The following FAM177B variants were observed in gnomAD, a reference collection of about 807,000 sequenced individuals.
FAM177B encodes the protein family with sequence similarity 177 member B, also known as protein FAM177B.
Under a neutral mutation model 16.1 loss-of-function variants are expected in FAM177B, and 16 were observed. That is an observed-to-expected ratio of 0.99 (90% CI 0.67 to 1.51). The LOEUF (loss-of-function observed/expected upper bound fraction) is 1.51. Ranked by LOEUF, FAM177B falls within the 40% of genes most tolerant of loss-of-function variation. The pLI, the probability that FAM177B is intolerant of heterozygous loss-of-function variation, is 0.00. For synonymous variants in FAM177B, 56 were observed against 59.9 expected, an observed-to-expected ratio of 0.93 and a Z score of 0.30; for missense variants, 178 against 183.7, an observed-to-expected ratio of 0.97 and a Z score of 0.18.
chr1:222,747,428 C>A (rs371924929), intron 4 of FAM177B: 1 of 189,682 alleles, frequency 5.3e-6, no homozygotes, highest in African/African-American at 2.3e-5. Flanking sequence ...GTTGACTCTT[C>A]TTCTGAATAA....
At chr1:222,747,873 T>C (rs1431109040) in intron 4 of FAM177B, among the ~76,000 whole-genome samples, 1 of 152,234 alleles carries the variant, frequency 6.6e-6, no homozygotes, top group Non-Finnish European at 1.5e-5. Context: ...CAATATTCAG[T>C]GAGTCATATA....
chr1:222,750,553 C>T lies in FAM177B; in HGVS notation c.*495C>T, dbSNP rs1659006557. ...CCTGGCGTAGTTGGGGATTGTTTTA[C>T]AATAAGTAAACATTGCTAATAACTG... On this transcript the variant is annotated 3_prime_UTR_variant, in exon 6 of 6. Coordinates refer to ENST00000445590, the MANE Select transcript of FAM177B (RefSeq NM_001394345.1). 1.0e-6 allele frequency: 1 copy of T among 983,408 alleles called. No individual in the cohort carries two copies. The allele number at this position is 983,408 out of a possible 1,614,324, so 60.9% of individuals were successfully genotyped here. A position where few individuals can be genotyped will look rare whatever the true frequency, so the allele number is the denominator to read the frequency against.
In FAM177B at chr1:222,750,147, T is replaced by G; in HGVS notation, c.*89T>G. On this transcript the variant is annotated 3_prime_UTR_variant, in exon 6 of 6. Coordinates refer to ENST00000445590, the MANE Select transcript of FAM177B (RefSeq NM_001394345.1). ...TTTCCCTGGATCTGTTCCTTGGCCA[T>G]TGATTACCATGGCAACAACACCAGA... is the stretch of plus-strand genomic sequence containing the variant. The G allele has an allele frequency of 6.5e-7, 1 of 1,540,264 alleles. No homozygotes were observed. Among genetic ancestry groups the G allele is most frequent in the South Asian group, 1.3e-5 (1 of 78,358 alleles).
At chr1:222,744,376 G>A (rs899300923) in intron 2 of FAM177B, among the ~76,000 whole-genome samples, 3 of 151,820 alleles carry the variant, frequency 2.0e-5, no homozygotes, top group African/African-American at 7.3e-5. Flanking sequence ...GGAGGCTGAG[G>A]CAGGAGAATC....
chr1:222,749,619 A>C, intron 5 of FAM177B, 57 bp downstream of exon 5: 1 of 1,042,222 alleles, frequency 9.6e-7, no homozygotes, highest in East Asian at 2.4e-5. Context: ...GGTTGCTCCA[A>C]ATTTAGGCCA....
At chr1:222,745,600 G>A (rs1401059273) in intron 2 of FAM177B, among the ~76,000 whole-genome samples, 1 of 149,884 alleles carries the variant, frequency 6.7e-6, no homozygotes, top group African/African-American at 2.5e-5. Context: ...CTGGGTGACA[G>A]AGAAAGACTC....
In FAM177B at chr1:222,750,102, G is replaced by C. The variant is rs374313812; in HGVS notation, c.*44G>C. 27 of 1,594,786 alleles carry C rather than the reference G, an allele frequency of 1.7e-5. No individual in the cohort carries two copies. Among genetic ancestry groups the C allele is most frequent in the Non-Finnish European group, 2.3e-5 (27 of 1,172,686 alleles). On this transcript the variant is annotated 3_prime_UTR_variant, in exon 6 of 6. Transcript: ENST00000445590. Reference sequence around the variant, plus strand: ...GGTCTGGTGGCAGATCCTAGCTCATGATGGCAGCAAAGACTGCAGTTTCCC... The same window carrying C: ...GGTCTGGTGGCAGATCCTAGCTCATCATGGCAGCAAAGACTGCAGTTTCCC...
chr1:222,737,861 G>GA (rs1353829413), intron 1 of FAM177B, 43 bp from the exon 2 acceptor site: 1 of 152,164 alleles, frequency 6.6e-6, no homozygotes, highest in African/African-American at 2.4e-5. Flanking sequence ...GTGGAGTAAT[G>GA]AAAAGTATGA....
chr1:222,749,455 T>C lies in FAM177B; in HGVS notation c.242-10T>C. 2 of 1,570,144 alleles carry C rather than the reference T, an allele frequency of 1.3e-6. No homozygotes were observed. Among genetic ancestry groups the C allele is most frequent in the Non-Finnish European group, 1.7e-6 (2 of 1,145,402 alleles). Reference sequence around the variant, plus strand: ...ATTCAGTTTACGCAAGTGCTCGTTCTTTCTTTTAGCATGTGAATTCCTTGG... The same window carrying C: ...ATTCAGTTTACGCAAGTGCTCGTTCCTTCTTTTAGCATGTGAATTCCTTGG... On this transcript the variant is annotated splice_polypyrimidine_tract_variant and intron_variant, in intron 4 of 5. Coordinates refer to ENST00000445590, the MANE Select transcript of FAM177B (RefSeq NM_001394345.1).
rs1489686595 is a variant in FAM177B, at chr1:222,750,602, C to A, written c.*544C>A. ...TGTGTTACAAGATCATTATCAAGAT[C>A]TTTAAGAATTAGGTACATCCCTCCA... On this transcript the variant is annotated 3_prime_UTR_variant, in exon 6 of 6. Coordinates refer to ENST00000445590, the MANE Select transcript of FAM177B (RefSeq NM_001394345.1). The A allele has an allele frequency of 1.1e-6, 1 of 916,904 alleles. No homozygotes were observed. The highest frequency in any genetic ancestry group is 1.3e-6 in the Non-Finnish European group (1 of 767,802). 56.8% of individuals were successfully genotyped at this position (916,904 alleles called of 1,614,324 possible).
chr1:222,748,303 G>A (rs541781398), intron 4 of FAM177B, among the ~76,000 whole-genome samples: 6 of 152,176 alleles, frequency 3.9e-5, no homozygotes, highest in Non-Finnish European at 8.8e-5. Flanking sequence ...TTTAGAGGGA[G>A]GGAATTGGAG....
chr1:222,741,264 A>T (rs575229022), intron 2 of FAM177B, among the ~76,000 whole-genome samples: 1 of 151,536 alleles, frequency 6.6e-6, no homozygotes, highest in Non-Finnish European at 1.5e-5. Flanking sequence ...GGTTTTCGCC[A>T]TGTTGGCCAG....
chr1:222,750,240 C>T lies in FAM177B; in HGVS notation c.*182C>T, dbSNP rs1658993701. On this transcript the variant is annotated 3_prime_UTR_variant, in exon 6 of 6. Transcript: ENST00000445590. ...CTTAGTCTCAAGCATCCAGGAATTACAAGCAATAATGAGAGTAATTTTGGA... is the reference window on the plus strand; with the variant it reads ...CTTAGTCTCAAGCATCCAGGAATTATAAGCAATAATGAGAGTAATTTTGGA... The T allele has an allele frequency of 1.4e-6, 2 of 1,405,364 alleles. No individual in the cohort carries two copies. The highest frequency in any genetic ancestry group is 5.1e-5 in the East Asian group (2 of 38,846). 87.1% of individuals were successfully genotyped at this position (1,405,364 alleles called of 1,614,324 possible). A position where few individuals can be genotyped will look rare whatever the true frequency, so the allele number is the denominator to read the frequency against.
rs1432558912 is a variant in FAM177B at position 222,746,693 on chromosome 1, C to G, written c.148C>G (p.Gln50Glu). 2 of 1,612,444 alleles carry G rather than the reference C, an allele frequency of 1.2e-6. No individual in the cohort carries two copies. Among genetic ancestry groups the G allele is most frequent in the East Asian group, 2.2e-5 (1 of 44,800 alleles). ...EEEEEEEKEE[Q>E]STNSTLDPSK... ...GGAGGAGGAAGAGGAAAAGGAGGAG[C>G]AGAGCACAAATTCAACACTTGACCC... Residue 50 changes from glutamine to glutamate, a missense_variant, in exon 3 of 6, where the codon CAG becomes GAG. By Grantham distance (29) the Gln-to-Glu change is conservative. Transcript: ENST00000445590.
At chr1:222,749,668 A>G (rs780782763) in intron 5 of FAM177B, 106 bp downstream of exon 5, 3 of 740,212 alleles carry the variant, frequency 4.1e-6, no homozygotes, top group Non-Finnish European at 6.8e-6. Context: ...CATATGTACT[A>G]TAATTTCACC....
rs1265792261 is a variant in FAM177B, at chr1:222,737,289, CAG to C, written c.-163_-162del. ...GGCAGGACAGGGAGGAAAGGGAAGA[CAG>C]AGACAGGTGGAATATGGAGTGTTCA... On this transcript the variant is annotated 5_prime_UTR_variant, in exon 1 of 6. Coordinates refer to ENST00000445590, the MANE Select transcript of FAM177B (RefSeq NM_001394345.1). The C allele has an allele frequency of 6.6e-6, 1 of 152,428 alleles. No homozygotes were observed. Among genetic ancestry groups the C allele is most frequent in the East Asian group, 1.9e-4 (1 of 5,190 alleles). The allele number at this position is 152,428 out of a possible 1,614,324, so 9.4% of individuals were successfully genotyped here.
At chr1:222,749,184 CTGT>C in intron 4 of FAM177B, 1 of 403,982 alleles carries the variant, frequency 2.5e-6, no homozygotes. Context: ...CATGCTATAC[CTGT>C]TGTTAAAGTA....
At chr1:222,744,242 G>A (rs989326705) in intron 2 of FAM177B, among the ~76,000 whole-genome samples, 6 of 152,046 alleles carry the variant, frequency 3.9e-5, no homozygotes, top group Non-Finnish European at 8.8e-5. Flanking sequence ...AGGCCGAGGC[G>A]GGTGGATCAC....
At chr1:222,740,261 A>G (rs1658462740) in intron 2 of FAM177B, among the ~76,000 whole-genome samples, 1 of 152,190 alleles carries the variant, frequency 6.6e-6, no homozygotes, top group Non-Finnish European at 1.5e-5. Context: ...ATGAATATAT[A>G]TGTGTGTATA....
Sources: allele counts gnomAD v4.1 joint callset (sites outside exome capture counted in the v4.1 genomes callset), GRCh38; gene constraint gnomAD v4.1.1; transcripts MANE v1.5; gene names NCBI Gene and HGNC (gene_info 2026-07-23, HGNC 2026-07-21).